Variants in EPB41L5 observed in about 807,000 individuals in gnomAD.
EPB41L5 encodes erythrocyte membrane protein band 4.1 like 5.
In EPB41L5, 55 loss-of-function variants were observed where a neutral mutation model predicts 106.6. The observed-to-expected ratio is 0.52, with a 90% CI of 0.42 to 0.65. The LOEUF is 0.65. EPB41L5 is among the 30% of genes least tolerant of loss of function. The pLI is 0.00. For synonymous variants in EPB41L5, 297 were observed against 306.7 expected, an observed-to-expected ratio of 0.97 and a Z score of 0.33; for missense variants, 871 against 882.1, an observed-to-expected ratio of 0.99 and a Z score of 0.16.
chr2:120,061,228 AT>A (rs558199115), intron 3 of EPB41L5, among the ~76,000 whole-genome samples: 20 of 111,756 alleles, frequency 1.8e-4, no homozygotes, highest in Middle Eastern at 4.5e-3. Context: ...TTTTTTTTTT[AT>A]TTTTTTTTTT....
At chr2:120,064,163 A>C (rs140608337) in intron 3 of EPB41L5, among the ~76,000 whole-genome samples, 3 of 152,334 alleles carry the variant, frequency 2.0e-5, no homozygotes, top group African/African-American at 7.2e-5. Flanking sequence ...CTATGTATTC[A>C]TCCTCTCTTT....
At chr2:120,144,220 A>C (rs1373747702) in intron 19 of EPB41L5, among the ~76,000 whole-genome samples, 1 of 152,178 alleles carries the variant, frequency 6.6e-6, no homozygotes, top group African/African-American at 2.4e-5. Flanking sequence ...GTGCTCTTAT[A>C]AAAGAGCCTG....
chr2:120,070,537 A>C (rs1482350709), intron 3 of EPB41L5, among the ~76,000 whole-genome samples: 1 of 152,148 alleles, frequency 6.6e-6, no homozygotes, highest in Non-Finnish European at 1.5e-5. Flanking sequence ...ACAACAACAA[A>C]AGAAAATTTC....
chr2:120,154,201 C>T (rs1686803102), intron 20 of EPB41L5, among the ~76,000 whole-genome samples: 1 of 151,834 alleles, frequency 6.6e-6, no homozygotes, highest in Admixed American at 6.6e-5. Context: ...TCTTGTTGCC[C>T]AGGCTGGAGG....
At chr2:120,119,341 A>AG (rs1174638541) in intron 16 of EPB41L5, among the ~76,000 whole-genome samples, 2 of 151,956 alleles carry the variant, frequency 1.3e-5, no homozygotes, top group Non-Finnish European at 2.9e-5. Context: ...TTTGCTGTAC[A>AG]GAAGCTCTTT....
chr2:120,082,953 C>A (rs200166792), intron 10 of EPB41L5, among the ~76,000 whole-genome samples: 1 of 151,764 alleles, frequency 6.6e-6, no homozygotes, highest in Non-Finnish European at 1.5e-5. Context: ...TGGTAATATC[C>A]CCTTTATCAT....
intron 3 of EPB41L5, among the ~76,000 whole-genome samples, chr2:120,072,328 G>A (rs960062827): frequency 3.3e-5 from 5 of 151,026 alleles, no homozygotes; most frequent in African/African-American, 1.2e-4. Flanking sequence ...GCTTTTTTTG[G>A]TGGGGGTGTA....
intron 3 of EPB41L5, among the ~76,000 whole-genome samples, 170 bp downstream of exon 3, chr2:120,042,280 T>C (rs1392131796): frequency 6.6e-6 from 1 of 152,200 alleles, no homozygotes; most frequent in South Asian, 2.1e-4. Flanking sequence ...GAAGTACTTG[T>C]TTTAAAAAAT....
At chr2:120,143,983 A>G (rs1686292683) in intron 19 of EPB41L5, among the ~76,000 whole-genome samples, 1 of 152,174 alleles carries the variant, frequency 6.6e-6, no homozygotes, top group African/African-American at 2.4e-5. Flanking sequence ...GCTGGGTTGT[A>G]AAGGTGAAAT....
At chr2:120,045,552 G>A (rs1679708386) in intron 3 of EPB41L5, among the ~76,000 whole-genome samples, 1 of 152,128 alleles carries the variant, frequency 6.6e-6, no homozygotes, top group Non-Finnish European at 1.5e-5. Flanking sequence ...TTAACACAAT[G>A]ATAGTACCAC....
chr2:120,018,707 C>T (rs370136998), intron 1 of EPB41L5, among the ~76,000 whole-genome samples: 8 of 151,818 alleles, frequency 5.3e-5, no homozygotes, highest in Non-Finnish European at 4.4e-5. Context: ...AATGCAGTGG[C>T]GCAATCCCAG....
At chr2:120,053,077 TA>T (rs1297310246) in intron 3 of EPB41L5, among the ~76,000 whole-genome samples, 1 of 152,226 alleles carries the variant, frequency 6.6e-6, no homozygotes, top group Admixed American at 6.5e-5. Context: ...ACTGAGTTAT[TA>T]TTTTTTATTT....
At chr2:120,035,711 G>A (rs932839806) in intron 2 of EPB41L5, among the ~76,000 whole-genome samples, 2 of 152,096 alleles carry the variant, frequency 1.3e-5, no homozygotes, top group Non-Finnish European at 2.9e-5. Flanking sequence ...ATCAAATTAG[G>A]AATAGTATTT....
rs551625674 is a variant in EPB41L5 at position 120,049,858 on chromosome 2, C to T, written c.285+7748C>T. ...TCAGGAGCTCTTGTAAGGCATGCCTCGTGGTGACAAAATCTCTCACCATTT... is the reference window on the plus strand; with the variant it reads ...TCAGGAGCTCTTGTAAGGCATGCCTTGTGGTGACAAAATCTCTCACCATTT... On this transcript the variant is annotated intron_variant, in intron 3 of 24. Coordinates refer to ENST00000263713, the MANE Select transcript of EPB41L5 (RefSeq NM_020909.4). Among the ~76,000 whole-genome samples the T allele has an allele frequency of 5.9e-5, 9 of 152,184 alleles. No homozygotes were observed. In the South Asian group the frequency reaches 1.9e-3, roughly 32 times the overall value.
At chr2:120,055,132 GAATTATA>G (rs1680560412) in intron 3 of EPB41L5, among the ~76,000 whole-genome samples, 1 of 152,034 alleles carries the variant, frequency 6.6e-6, no homozygotes, top group African/African-American at 2.4e-5. Flanking sequence ...CAAAGTGCTG[GAATTATA>G]GGCGTGAGCC....
chr2:120,045,407 A>G (rs1317042316), intron 3 of EPB41L5, among the ~76,000 whole-genome samples: 6 of 152,198 alleles, frequency 3.9e-5, no homozygotes, highest in African/African-American at 1.2e-4. Flanking sequence ...CAAGGATGGT[A>G]TAAATAACCA....
intron 16 of EPB41L5, among the ~76,000 whole-genome samples, chr2:120,109,333 G>T (rs1051038262): frequency 3.3e-5 from 5 of 152,102 alleles, no homozygotes; most frequent in Admixed American, 1.3e-4. Flanking sequence ...ACAATGCTGG[G>T]CTGACTTTCT....
intron 19 of EPB41L5, among the ~76,000 whole-genome samples, chr2:120,145,137 G>T (rs989298781): frequency 6.6e-6 from 1 of 152,150 alleles, no homozygotes; most frequent in Non-Finnish European, 1.5e-5. Context: ...TACATTGCTG[G>T]TAAGAACATA....
chr2:120,118,841 G>T (rs1685075951), intron 16 of EPB41L5, among the ~76,000 whole-genome samples: 2 of 152,122 alleles, frequency 1.3e-5, no homozygotes, highest in Non-Finnish European at 2.9e-5. Flanking sequence ...TATTCTTTTG[G>T]GTATATGCCC....
Sources: allele counts gnomAD v4.1 joint callset (sites outside exome capture counted in the v4.1 genomes callset), GRCh38; gene constraint gnomAD v4.1.1; transcripts MANE v1.5; gene names NCBI Gene and HGNC (gene_info 2026-07-23, HGNC 2026-07-21).